Variants in GNG12 observed in about 807,000 individuals in gnomAD.
GNG12 encodes the protein G protein subunit gamma 12.
For missense variants in GNG12, 69 were observed against 83.8 expected, an observed-to-expected ratio of 0.82 and a Z score of 0.69; for synonymous variants, 28 against 29.7, an observed-to-expected ratio of 0.94 and a Z score of 0.19.
At chr1:67,742,619 AAC>A (rs1272938291) in intron 2 of GNG12, among the ~76,000 whole-genome samples, 1 of 152,190 alleles carries the variant, frequency 6.6e-6, no homozygotes, top group East Asian at 1.9e-4. Context: ...AGTGGCAAAA[AAC>A]AGTGTGTATA....
chr1:67,760,260 C>A (rs1646594339), intron 2 of GNG12, among the ~76,000 whole-genome samples: 1 of 152,164 alleles, frequency 6.6e-6, no homozygotes, highest in Non-Finnish European at 1.5e-5. Flanking sequence ...TCCACGCATG[C>A]AAATCCTGGG....
intron 2 of GNG12, among the ~76,000 whole-genome samples, chr1:67,756,957 C>A (rs902374983): frequency 1.3e-5 from 2 of 152,200 alleles, no homozygotes; most frequent in Non-Finnish European, 2.9e-5. Context: ...TCCAGAGCCT[C>A]CAGCTGTGGG....
At chr1:67,815,058 T>G (rs1646945733) in intron 1 of GNG12, among the ~76,000 whole-genome samples, 1 of 152,242 alleles carries the variant, frequency 6.6e-6, no homozygotes, top group Non-Finnish European at 1.5e-5. Context: ...TTCAGGTGCT[T>G]CTGGAAAGTG....
rs397828874 is a variant in GNG12 at position 67,787,069 on chromosome 1, G to GTA, written c.-76-9564_-76-9563dup. On this transcript the variant is annotated intron_variant, in intron 1 of 3. Coordinates refer to ENST00000370982, the MANE Select transcript of GNG12 (RefSeq NM_018841.6). ...TGTGTGTGTGTGTGTGTGTGTGTGT[G>GTA]TATAGTCCCCCTCCTCAAGGAACCC... Among the ~76,000 whole-genome samples, 127 of 145,816 alleles carry GTA rather than the reference G, an allele frequency of 8.7e-4. 4 individuals carry two copies. The highest frequency in any genetic ancestry group is 3.3e-3 in the African/African-American group (124 of 37,740).
chr1:67,731,263 T>C (rs923731870), intron 2 of GNG12, among the ~76,000 whole-genome samples: 12 of 152,204 alleles, frequency 7.9e-5, no homozygotes, highest in Non-Finnish European at 1.2e-4. Flanking sequence ...TATTTATCAG[T>C]GGACTGCTAT....
At chr1:67,738,127 G>C (rs1181259793) in intron 2 of GNG12, among the ~76,000 whole-genome samples, 1 of 151,866 alleles carries the variant, frequency 6.6e-6, no homozygotes, top group Admixed American at 6.6e-5. Flanking sequence ...GGTAGATATG[G>C]GGTTTCGTCA....
At chr1:67,755,527 C>T (rs1379276286) in intron 2 of GNG12, among the ~76,000 whole-genome samples, 6 of 152,148 alleles carry the variant, frequency 3.9e-5, no homozygotes, top group Admixed American at 6.5e-5. Flanking sequence ...CATCGTCTTC[C>T]GGCCTCACAC....
rs544681647 is a variant in GNG12, at chr1:67,706,714, G to A, written c.93+880C>T. Among the ~76,000 whole-genome samples the A allele has an allele frequency of 6.7e-5, 10 of 149,882 alleles. No individual in the cohort carries two copies. The South Asian group carries it at 2.1e-3, about 31-fold the overall frequency. ...CTTGTTGCCCAGGCTGGAGTGCAAT[G>A]GCGCGATCTTGGTTCACTGCAACCT... On this transcript the variant is annotated intron_variant, in intron 3 of 3. Coordinates refer to ENST00000370982, the MANE Select transcript of GNG12 (RefSeq NM_018841.6).
In GNG12 at chr1:67,705,388, C is replaced by T. The variant is rs2100664022; in HGVS notation, c.*63G>A. ...TACCAAATAAGCTGAAGGTAAATCT[C>T]TTCAAGGAGCTGCTCATAATTTGCG... On this transcript the variant is annotated 3_prime_UTR_variant, in exon 4 of 4. Transcript: ENST00000370982. 2.5e-6 allele frequency: 4 copies of T among 1,590,112 alleles called. No homozygotes were observed. Among genetic ancestry groups the T allele is most frequent in the Non-Finnish European group, 3.4e-6 (4 of 1,169,884 alleles).
intron 1 of GNG12, among the ~76,000 whole-genome samples, chr1:67,792,069 A>T (rs1278575207): frequency 6.6e-6 from 1 of 152,164 alleles, no homozygotes; most frequent in Non-Finnish European, 1.5e-5. Flanking sequence ...CTCTGGGTCA[A>T]GCGTTATCTC....
intron 2 of GNG12, among the ~76,000 whole-genome samples, chr1:67,739,622 G>A (rs1366469693): frequency 2.0e-5 from 3 of 152,218 alleles, no homozygotes; most frequent in Non-Finnish European, 2.9e-5. Flanking sequence ...AAGAGCCTGC[G>A]TCAAAGCAGT....
intron 2 of GNG12, among the ~76,000 whole-genome samples, chr1:67,770,266 G>C (rs527813620): frequency 5.3e-5 from 8 of 152,322 alleles, no homozygotes; most frequent in Admixed American, 4.6e-4. Flanking sequence ...TGATTCCTAC[G>C]GTTTCCAAGG....
At chr1:67,709,962 TTATATATATAGTTA>T (rs1646276884) in intron 2 of GNG12, among the ~76,000 whole-genome samples, 3 of 39,604 alleles carry the variant, frequency 7.6e-5, no homozygotes, top group African/African-American at 1.8e-4. Context: ...ATATATATAG[TTATATATATAGTTA>T]TATATATATA....
intron 2 of GNG12, among the ~76,000 whole-genome samples, chr1:67,769,428 G>A (rs1570531791): frequency 6.6e-6 from 1 of 152,266 alleles, no homozygotes; most frequent in South Asian, 2.1e-4. Context: ...AGTGAGGGTG[G>A]GTCTTTGGAG....
chr1:67,759,410 G>A (rs1570520834), intron 2 of GNG12, among the ~76,000 whole-genome samples: 1 of 152,190 alleles, frequency 6.6e-6, no homozygotes, highest in Admixed American at 6.5e-5. Flanking sequence ...ACAATACAGT[G>A]TAGCCATTAA....
chr1:67,753,205 T>C (rs900405564), intron 2 of GNG12, among the ~76,000 whole-genome samples: 1 of 152,128 alleles, frequency 6.6e-6, no homozygotes, highest in Non-Finnish European at 1.5e-5. Context: ...CAAATACAAG[T>C]TGAGCATCCC....
chr1:67,786,933 ATATGTGTGTGTGTGTGTG>A (rs1646771347), intron 1 of GNG12, among the ~76,000 whole-genome samples: 1 of 52,102 alleles, frequency 1.9e-5, no homozygotes, highest in African/African-American at 6.1e-5. Flanking sequence ...ACTTATATAT[ATATGTGTGTGTGTGTGTG>A]TGTGTGTGTG....
At chr1:67,823,487 G>T (rs1646994890) in intron 1 of GNG12, among the ~76,000 whole-genome samples, 1 of 152,144 alleles carries the variant, frequency 6.6e-6, no homozygotes, top group South Asian at 2.1e-4. Flanking sequence ...CTGTATTTAG[G>T]AGATTCTGAC....
chr1:67,780,952 G>A (rs1570542770), intron 1 of GNG12, among the ~76,000 whole-genome samples: 1 of 152,152 alleles, frequency 6.6e-6, no homozygotes, highest in African/African-American at 2.4e-5. Context: ...GACATGGCTT[G>A]GATATTTCTA....
Sources: gnomAD v4.1 joint callset for allele counts (sites outside exome capture counted in the v4.1 genomes callset) on GRCh38, gnomAD v4.1.1 for gene constraint, MANE v1.5 for transcripts, NCBI Gene and HGNC (gene_info 2026-07-23, HGNC 2026-07-21) for gene names.